The following AFDN variants were observed in gnomAD, a reference collection of about 807,000 sequenced individuals.
The protein encoded by AFDN is afadin, adherens junction formation factor, also known as afadin.
AFDN carries 68 observed loss-of-function variants against 216.6 expected under a neutral mutation model. The ratio of observed to expected loss-of-function variants is 0.31; its 90% CI spans 0.26 to 0.38. The LOEUF is 0.38. Among genes scored for constraint, AFDN ranks in the 10% least tolerant of loss-of-function variants. AFDN has a pLI of 1.00. For missense variants in AFDN, 2,136 were observed against 2,342.0 expected, an observed-to-expected ratio of 0.91 and a Z score of 1.82; for synonymous variants, 868 against 853.7, an observed-to-expected ratio of 1.02 and a Z score of -0.29.
chr6:167,967,970 G>A (rs1050396242), intron 32 of AFDN, among the ~76,000 whole-genome samples: 2 of 152,102 alleles, frequency 1.3e-5, no homozygotes, highest in Admixed American at 1.3e-4. Flanking sequence ...ACATAGCACT[G>A]TATGAAAGAT....
At chr6:167,966,646 G>A (rs890829501) in intron 32 of AFDN, among the ~76,000 whole-genome samples, 3 of 152,184 alleles carry the variant, frequency 2.0e-5, no homozygotes, top group Non-Finnish European at 2.9e-5. Context: ...TTCACACGCT[G>A]TAGTGTCTCT....
intron 32 of AFDN, among the ~76,000 whole-genome samples, chr6:167,966,466 G>C (rs1490237501): frequency 6.6e-6 from 1 of 152,074 alleles, no homozygotes; most frequent in Non-Finnish European, 1.5e-5. Context: ...AATACTCTTT[G>C]GTAGATATCT....
At position 167,964,612 on chromosome 6, in the gene AFDN, CTCTG is replaced by C. The variant is rs1158606375; in HGVS notation, c.4969-1143_4969-1140del. On this transcript the variant is annotated intron_variant, in intron 31 of 33. Coordinates refer to ENST00000683244, the MANE Select transcript of AFDN (RefSeq NM_001386888.1). ...GTGAAGGAGTGACATTGCGTATTCA[CTCTG>C]TGTGTGTGTGTGTGTGTGTGTGTGT... 6 of 1,005,532 alleles carry C rather than the reference CTCTG, an allele frequency of 6.0e-6. No homozygotes were observed. In the East Asian group the frequency reaches 1.6e-4, roughly 27 times the overall value. The allele number at this position is 1,005,532 out of a possible 1,614,324, so 62.3% of individuals were successfully genotyped here.
intron 1 of AFDN, among the ~76,000 whole-genome samples, chr6:167,834,081 G>A (rs1302619982): frequency 1.3e-5 from 2 of 151,982 alleles, no homozygotes; most frequent in Admixed American, 1.3e-4. Context: ...AATTTCATTG[G>A]GAAAAACTTG....
chr6:167,913,447 TC>T, intron 16 of AFDN, 24 bp downstream of exon 16: 3 of 1,535,684 alleles, frequency 2.0e-6, no homozygotes, highest in South Asian at 2.4e-5. Context: ...TGGGAGCTGA[TC>T]CTAGCTGTGT....
intron 23 of AFDN, among the ~76,000 whole-genome samples, chr6:167,936,310 T>C (rs2300801): frequency 0.44 from 67,225 of 151,660 alleles, 15,463 homozygotes; most frequent in East Asian, 0.8. Context: ...AGCTAACACT[T>C]GAATGTTCTA....
rs1370260740 is a variant in AFDN at position 167,918,895 on chromosome 6, A to G, written c.2870A>G (p.Asn957Ser). 2 of 1,613,978 alleles carry G rather than the reference A, an allele frequency of 1.2e-6. No individual in the cohort carries two copies. Among genetic ancestry groups the G allele is most frequent in the African/African-American group, 1.3e-5 (1 of 74,936 alleles). Residue 957 changes from asparagine to serine, a missense_variant, in exon 21 of 34, where the codon AAT (asparagine) becomes AGT (serine). Asn to Ser is a conservative substitution (Grantham distance 46). Coordinates refer to ENST00000683244, the MANE Select transcript of AFDN (RefSeq NM_001386888.1). ...TGTGATGTTGTCAGAAACATTCCAAATGGTTTACAAGAATTTTTAGACCCT... is the reference window on the plus strand; with the variant it reads ...TGTGATGTTGTCAGAAACATTCCAAGTGGTTTACAAGAATTTTTAGACCCT... ...YSCDVVRNIP[N>S]GLQEFLDPLC...
chr6:167,963,560 G>T (rs1389231412), intron 31 of AFDN: 14 of 1,057,914 alleles, frequency 1.3e-5, no homozygotes, highest in Non-Finnish European at 1.6e-5. Flanking sequence ...CTAAGAGTAA[G>T]CTTGATAGAC....
At chr6:167,861,664 C>T (rs146069988) in intron 1 of AFDN, among the ~76,000 whole-genome samples, 3,013 of 152,304 alleles carry the variant, frequency 0.02, 56 homozygotes, top group Non-Finnish European at 0.033. Flanking sequence ...TTTATCAGCT[C>T]ATTCTGGATT....
At chr6:167,869,142 A>G (rs1784525830) in intron 2 of AFDN, among the ~76,000 whole-genome samples, 1 of 152,032 alleles carries the variant, frequency 6.6e-6, no homozygotes, top group South Asian at 2.1e-4. Flanking sequence ...TGTCATATGC[A>G]TTCTGACTGT....
intron 8 of AFDN, among the ~76,000 whole-genome samples, chr6:167,892,538 A>G (rs1429869448): frequency 6.6e-6 from 1 of 152,204 alleles, no homozygotes; most frequent in Non-Finnish European, 1.5e-5. Flanking sequence ...TCTGAGAGAA[A>G]TTAATAAATA....
rs1484488911 is a variant in AFDN, at chr6:167,969,792, G to C, written c.5353G>C (p.Asp1785His). 1 of 1,608,108 alleles carries C rather than the reference G, an allele frequency of 6.2e-7. No individual in the cohort carries two copies. The highest frequency in any genetic ancestry group is 1.3e-5 in the African/African-American group (1 of 74,408). The change falls in exon 34 of 34, where the codon GAT becomes CAT. Residue 1785 changes from aspartate (D) to histidine (H), a missense_variant. Coordinates refer to ENST00000683244, the MANE Select transcript of AFDN (RefSeq NM_001386888.1). ...KEKRSKSQDADSPGSSGAPEN... is the reference protein window; with the variant it reads ...KEKRSKSQDAHSPGSSGAPEN... The stretch of plus-strand genomic sequence containing the variant: ...TGCCCTCTTCTGCAGCCAAGATGCA[G>C]ATTCACCTGGAAGTTCTGGGGCCCC...
chr6:167,956,840 CT>C (rs903653064), intron 30 of AFDN, among the ~76,000 whole-genome samples: 4 of 152,214 alleles, frequency 2.6e-5, no homozygotes, highest in African/African-American at 9.6e-5. Context: ...AGCCTCTCTC[CT>C]TTTCCTGCCG....
intron 2 of AFDN, among the ~76,000 whole-genome samples, chr6:167,868,236 AG>A (rs1196814759): frequency 3.9e-5 from 6 of 152,190 alleles, no homozygotes; most frequent in Non-Finnish European, 7.3e-5. Context: ...AAGGCCCCTT[AG>A]AAAAACACAT....
At chr6:167,866,332 G>T (rs1784182232) in intron 2 of AFDN, among the ~76,000 whole-genome samples, 2 of 151,862 alleles carry the variant, frequency 1.3e-5, no homozygotes, top group East Asian at 1.9e-4. Context: ...TAAAGTGCTG[G>T]TTTTTTTTCA....
Position 167,898,291 on chromosome 6 carries a change from A to G in AFDN, c.1404A>G (p.Ala468=), listed in dbSNP as rs770188240. 4.3e-6 allele frequency: 7 copies of G among 1,614,060 alleles called. No individual in the cohort carries two copies. The highest frequency in any genetic ancestry group is 4.5e-5 in the East Asian group (2 of 44,886). ...CTGTGACGCCCAGAAGTATGGACGCAGAAACCTACGTGGAAGGCCAGCGCA... is the reference window on the plus strand; with the variant it reads ...CTGTGACGCCCAGAAGTATGGACGCGGAAACCTACGTGGAAGGCCAGCGCA... ...VVTVTPRSMD[A]ETYVEGQRIS... is the part of the protein sequence containing the mutation. The change falls in exon 11 of 34, where the codon GCA becomes GCG. Residue 468 remains alanine (A), a synonymous_variant. Coordinates refer to ENST00000683244, the MANE Select transcript of AFDN (RefSeq NM_001386888.1).
At chr6:167,921,808 T>TA (rs3837051) in intron 21 of AFDN, among the ~76,000 whole-genome samples, 19,214 of 148,090 alleles carry the variant, frequency 0.13, 1,447 homozygotes, top group South Asian at 0.23. Flanking sequence ...ATTTAAAAAA[T>TA]AAAAAAAAAA....
chr6:167,954,503 T>C (rs748851526), intron 30 of AFDN: 2 of 1,604,286 alleles, frequency 1.2e-6, no homozygotes, highest in Admixed American at 3.4e-5. Context: ...GGTATGTTCT[T>C]GTTTCTTTCC....
rs552503507 is a variant in AFDN, at chr6:167,892,714, T to A, written c.1178-1148T>A. Among the ~76,000 whole-genome samples, 84 of 152,304 alleles carry A rather than the reference T, an allele frequency of 5.5e-4. No homozygotes were observed. The South Asian group carries it at 0.014, about 25-fold the overall frequency. On this transcript the variant is annotated intron_variant, in intron 8 of 33. Coordinates refer to ENST00000683244, the MANE Select transcript of AFDN (RefSeq NM_001386888.1). ...CTTGGAGGTAGAGCACCAAAACAGA[T>A]TAAACCCCTTCACCTTGGGGATTTC...
Sources: gnomAD v4.1 joint callset for allele counts (sites outside exome capture counted in the v4.1 genomes callset) on GRCh38, gnomAD v4.1.1 for gene constraint, MANE v1.5 for transcripts, NCBI Gene and HGNC (gene_info 2026-07-23, HGNC 2026-07-21) for gene names.